The following C2CD2 variants were observed in gnomAD, a reference collection of about 807,000 sequenced individuals.
The protein encoded by C2CD2 is C2 calcium dependent domain containing 2.
C2CD2 carries 43 observed loss-of-function variants against 74.3 expected under a neutral mutation model. The ratio of observed to expected loss-of-function variants is 0.58; its 90% confidence interval spans 0.45 to 0.75. The LOEUF is 0.75. Ranked by LOEUF, C2CD2 falls within the 30% of genes least tolerant of loss-of-function variation. The pLI is 0.00. For missense variants in C2CD2, 801 were observed against 916.3 expected (o/e 0.87, Z 1.63); for synonymous variants, 422 against 390.7 (o/e 1.08, Z -0.94).
intron 1 of C2CD2, among the ~76,000 whole-genome samples, chr21:41,952,137 C>A (rs541212089): frequency 6.6e-6 from 1 of 152,336 alleles, no homozygotes; most frequent in Admixed American, 6.5e-5. Flanking sequence ...CAGCTCTGGA[C>A]AGCTGAGGCA....
chr21:41,918,046 AGGTGGGCC>A, intron 5 of C2CD2, 51 bp downstream of exon 5: 4 of 1,600,538 alleles, frequency 2.5e-6, no homozygotes, highest in Non-Finnish European at 3.4e-6. Context: ...TCTCCAAGAG[AGGTGGGCC>A]ATGGTGCCTA....
At position 41,903,909 on chromosome 21, in the gene C2CD2, G is replaced by C. The variant is rs906970768; in HGVS notation, c.1432+1815C>G. Reference sequence around the variant, plus strand: ...GGGCACTGCCAGGGGAAGAAACTGAGGAAGGGGCATCAGGGGCAGCGGCAA... The same window carrying C: ...GGGCACTGCCAGGGGAAGAAACTGACGAAGGGGCATCAGGGGCAGCGGCAA... On this transcript the variant is annotated intron_variant, in intron 11 of 13. Coordinates refer to ENST00000380486, the MANE Select transcript of C2CD2 (RefSeq NM_015500.2). The surrounding 1 kb of genome is among the most constrained non-coding windows in gnomAD (Gnocchi z 4.5). Among the ~76,000 whole-genome samples, 3 of 152,184 alleles carry C rather than the reference G, an allele frequency of 2.0e-5. No homozygotes were observed. Among genetic ancestry groups the C allele is most frequent in the African/African-American group, 7.2e-5 (3 of 41,440 alleles).
intron 6 of C2CD2, among the ~76,000 whole-genome samples, chr21:41,913,128 A>C (rs1024792481): frequency 6.6e-6 from 1 of 152,220 alleles, no homozygotes; most frequent in Non-Finnish European, 1.5e-5. Context: ...CAAAGCCTAA[A>C]CATCAGTTCG....
rs559043562 is a variant in C2CD2 at position 41,895,662 on chromosome 21, G to A, written c.1870+3391C>T. ...TTAAAAAACAAATCACAAGAAGGCT[G>A]AAGTATAAACAAATACGTGAAAGAA... On this transcript the variant is annotated intron_variant, in intron 13 of 13. Coordinates refer to ENST00000380486, the MANE Select transcript of C2CD2 (RefSeq NM_015500.2). This position sits in a 1 kb window ranked among gnomAD's most constrained non-coding sequence, Gnocchi z 5.0. Among the ~76,000 whole-genome samples the A allele has an allele frequency of 2.6e-5, 4 of 152,184 alleles. No homozygotes were observed. Among genetic ancestry groups the A allele is most frequent in the Non-Finnish European group, 5.9e-5 (4 of 68,030 alleles).
In C2CD2 at chr21:41,954,006, C is replaced by T. The variant is rs897852574; in HGVS notation, c.-358G>A. ...GTCCCGCCCGCGGCCCAGCGGTGGC[C>T]GGAGGAGGCTCTGGCCGCGGGGCGG... On this transcript the variant is annotated 5_prime_UTR_variant, in exon 1 of 14. Transcript: ENST00000380486. 1 of 146,944 alleles carries T rather than the reference C, an allele frequency of 6.8e-6. No homozygotes were observed. The highest frequency in any genetic ancestry group is 1.5e-5 in the Non-Finnish European group (1 of 66,038). 9.1% of individuals were successfully genotyped at this position (146,944 alleles called of 1,614,324 possible).
intron 2 of C2CD2, among the ~76,000 whole-genome samples, chr21:41,940,216 C>T (rs556498200): frequency 6.6e-6 from 1 of 152,120 alleles, no homozygotes; most frequent in Non-Finnish European, 1.5e-5. Context: ...TTTCATTATC[C>T]AGCAACAGGA....
rs531219489 is a variant in C2CD2, at chr21:41,907,741, C to T, written c.1062G>A (p.Lys354=). 6.2e-7 allele frequency: 1 copy of T among 1,613,762 alleles called. No individual in the cohort carries two copies. The highest frequency in any genetic ancestry group is 1.1e-5 in the South Asian group (1 of 91,072). Reference sequence around the variant, plus strand: ...TGAAGCTCTGTGGCCCAGAAGGCTGCTTCTTAAATAAGTCCAGAGGAACTG... The same window carrying T: ...TGAAGCTCTGTGGCCCAGAAGGCTGTTTCTTAAATAAGTCCAGAGGAACTG... ...TATVPLDLFK[K]QPSGPQSFTL... The change falls in exon 9 of 14, where the codon AAG becomes AAA. Residue 354 remains lysine, a synonymous_variant. Transcript: ENST00000380486.
chr21:41,926,422 G>A lies in C2CD2; in HGVS notation c.379-4337C>T, dbSNP rs2065213492. The A allele has an allele frequency of 3.1e-6, 3 of 982,954 alleles. No homozygotes were observed. Among genetic ancestry groups the A allele is most frequent in the African/African-American group, 1.7e-5 (1 of 57,146 alleles). The allele number at this position is 982,954 out of a possible 1,614,324, so 60.9% of individuals were successfully genotyped here. A position where few individuals can be genotyped will look rare whatever the true frequency, so the allele number is the denominator to read the frequency against. ...ACTCACGGTTGGCAGGTGAGGGTTT[G>A]GGTCGGGGAGCCCTGGGCAGCAGAT... is the stretch of plus-strand genomic sequence containing the variant. On this transcript the variant is annotated intron_variant, in intron 2 of 13. Transcript: ENST00000380486. The surrounding 1 kb of genome is among the most constrained non-coding windows in gnomAD (Gnocchi z 8.0).
intron 11 of C2CD2, among the ~76,000 whole-genome samples, chr21:41,904,877 T>C (rs1290019405): frequency 1.3e-5 from 2 of 152,222 alleles, no homozygotes; most frequent in Non-Finnish European, 2.9e-5. Flanking sequence ...GGGAGAAAGT[T>C]AATCCCCAAA....
At chr21:41,941,926 C>T (rs150836297) in intron 2 of C2CD2, among the ~76,000 whole-genome samples, 198 of 152,298 alleles carry the variant, frequency 1.3e-3, no homozygotes, top group African/African-American at 4.4e-3. Flanking sequence ...CGCACCGGAG[C>T]GAGTGTCAGA....
rs1234945428 is a variant in C2CD2, at chr21:41,926,637, C to G, written c.379-4552G>C. 2.0e-6 allele frequency: 2 copies of G among 984,904 alleles called. No individual in the cohort carries two copies. The highest frequency in any genetic ancestry group is 3.5e-5 in the African/African-American group (2 of 57,220). 61.0% of individuals were successfully genotyped at this position (984,904 alleles called of 1,614,324 possible). ...AGACTTGGGGCCAAAAAATTCCAGG[C>G]ACAGTTACTCCAGATTTTGCTACTG... On this transcript the variant is annotated intron_variant, in intron 2 of 13. Transcript: ENST00000380486. This position sits in a 1 kb window ranked among gnomAD's most constrained non-coding sequence, Gnocchi z 8.0.
chr21:41,894,802 T>C (rs759883100), intron 13 of C2CD2: 5 of 456,616 alleles, frequency 1.1e-5, no homozygotes, highest in African/African-American at 6.0e-5. Context: ...GGGTAAACGA[T>C]GCAGGGAGAA....
At position 41,899,298 on chromosome 21, in the gene C2CD2, G is replaced by A. The variant is rs1569057443; in HGVS notation, c.1625C>T (p.Thr542Ile). ...MQGYTASVDS[T>I]HQEDAPSHPE... ...ATGGGATGGGGCGTCCTCCTGGTGG[G>A]TGCTGTCCACAGAGGCCGTGTAGCC... Residue 542 changes from threonine (T) to isoleucine (I), a missense_variant, in exon 13 of 14, where the codon ACC (threonine) becomes ATC (isoleucine). Transcript: ENST00000380486. This position sits in a 1 kb window ranked among gnomAD's most constrained non-coding sequence, Gnocchi z 4.4. 1.9e-6 allele frequency: 3 copies of A among 1,611,290 alleles called. No homozygotes were observed. Among genetic ancestry groups the A allele is most frequent in the Admixed American group, 1.7e-5 (1 of 60,032 alleles).
At chr21:41,907,505 A>T (rs186319418) in intron 9 of C2CD2, among the ~76,000 whole-genome samples, 155 bp downstream of exon 9, 1 of 152,386 alleles carries the variant, frequency 6.6e-6, no homozygotes, top group Non-Finnish European at 1.5e-5. Flanking sequence ...GCTCTATTCG[A>T]GTCTGGTCCT....
At position 41,924,028 on chromosome 21, in the gene C2CD2, T is replaced by A. The variant is rs555550518; in HGVS notation, c.379-1943A>T. On this transcript the variant is annotated intron_variant, in intron 2 of 13. Coordinates refer to ENST00000380486, the MANE Select transcript of C2CD2 (RefSeq NM_015500.2). This position sits in a 1 kb window ranked among gnomAD's most constrained non-coding sequence, Gnocchi z 4.4. ...GAGCTGAGGGTAAGTCAGACTGACC[T>A]CCTCATTCCCAAAAGAACCACTGAC... is the stretch of plus-strand genomic sequence containing the variant. 9.2e-5 allele frequency among the ~76,000 whole-genome samples: 14 copies of A among 152,278 alleles called. No homozygotes were observed. The highest frequency in any genetic ancestry group is 1.8e-4 in the Non-Finnish European group (12 of 68,026).
rs2065359746 is a variant in C2CD2, at chr21:41,942,136, C to G, written c.378+11G>C. 1 of 1,549,118 alleles carries G rather than the reference C, an allele frequency of 6.5e-7. No individual in the cohort carries two copies. Among genetic ancestry groups the G allele is most frequent in the Admixed American group, 2.0e-5 (1 of 50,968 alleles). The stretch of plus-strand genomic sequence containing the variant: ...CACCTCTTCCTGCAGGGAATGGGCT[C>G]CTGGGCTCACCTTCTCCTCCGCCGA... On this transcript the variant is annotated intron_variant, in intron 2 of 13. Coordinates refer to ENST00000380486, the MANE Select transcript of C2CD2 (RefSeq NM_015500.2).
At chr21:41,917,420 C>T (rs2065104872) in intron 5 of C2CD2, among the ~76,000 whole-genome samples, 1 of 152,160 alleles carries the variant, frequency 6.6e-6, no homozygotes, top group Non-Finnish European at 1.5e-5. Flanking sequence ...ACTTCAGGGA[C>T]TATAAGTGCC....
At chr21:41,933,669 G>A (rs1161694120) in intron 2 of C2CD2, among the ~76,000 whole-genome samples, 1 of 152,322 alleles carries the variant, frequency 6.6e-6, no homozygotes, top group East Asian at 1.9e-4. Context: ...ACCCTTCCCA[G>A]GAGCCCGGGC....
chr21:41,942,157 G>A lies in C2CD2; in HGVS notation c.368C>T (p.Ala123Val), dbSNP rs201798564. 2.4e-5 allele frequency: 37 copies of A among 1,549,244 alleles called. No homozygotes were observed. The African/African-American group carries it at 2.6e-4, about 11-fold the overall frequency. ...GGCTCCTGGGCTCACCTTCTCCTCC[G>A]CCGACCTGAGCACGCTGGAGACCTC... Reference protein sequence around the residue: ...VQEVSSVLRSAEEKVVVCHVV... With the variant: ...VQEVSSVLRSVEEKVVVCHVV... The change falls in exon 2 of 14, where the codon GCG becomes GTG. Residue 123 changes from alanine to valine, a missense_variant. Coordinates refer to ENST00000380486, the MANE Select transcript of C2CD2 (RefSeq NM_015500.2).
Sources: gnomAD v4.1 joint callset for allele counts (sites outside exome capture counted in the v4.1 genomes callset) on GRCh38, gnomAD v4.1.1 for gene constraint, Gnocchi (gnomAD v3.1) non-coding constraint, MANE v1.5 for transcripts, NCBI Gene and HGNC (gene_info 2026-07-23, HGNC 2026-07-21) for gene names.